Variants in COX20 observed in about 807,000 individuals in gnomAD.
COX20 encodes the protein cytochrome c oxidase assembly protein COX20, mitochondrial.
Under a neutral mutation model 14.3 loss-of-function variants are expected in COX20, and 14 were observed. The observed-to-expected ratio is 0.98, with a 90% CI of 0.65 to 1.53. The LOEUF (loss-of-function observed/expected upper bound fraction) is 1.53, where lower values mean the gene tolerates loss of function less well. Among genes scored for constraint, COX20 ranks in the 40% most tolerant of loss-of-function variants. The pLI, the probability that COX20 is intolerant of heterozygous loss-of-function variation, is 0.00. For synonymous variants in COX20, 56 were observed against 51.7 expected, an observed-to-expected ratio of 1.08 and a Z score of -0.36; for missense variants, 149 against 142.1, an observed-to-expected ratio of 1.05 and a Z score of -0.25.
chr1:244,837,884 T>C (rs1680046183), intron 1 of COX20, among the ~76,000 whole-genome samples: 1 of 152,112 alleles, frequency 6.6e-6, no homozygotes, highest in Non-Finnish European at 1.5e-5. Flanking sequence ...TTTGGAGCAA[T>C]GGTAAGGATT....
Position 244,835,677 on chromosome 1 carries a change from C to T in COX20, c.-38C>T, listed in dbSNP as rs1040009879. ...AGCCGGGCTTCTGCTTCCGCGACCC[C>T]GGCGGTGCAGGGCGGGTGGAGTCGC... On this transcript the variant is annotated 5_prime_UTR_variant, in exon 1 of 4. Transcript: ENST00000411948. 5.3e-5 allele frequency: 65 copies of T among 1,234,942 alleles called. No homozygotes were observed. The highest frequency in any genetic ancestry group is 1.5e-4 in the South Asian group (4 of 26,876). The allele number at this position is 1,234,942 out of a possible 1,614,324, so 76.5% of individuals were successfully genotyped here.
In COX20 at chr1:244,836,192, A is replaced by G. The variant is rs546363836; in HGVS notation, c.42+436A>G. ...TGCTGAGGGATGACTTGATTGTACT[A>G]CGATGAGATGAAGGGTTAAGATTTC... is the stretch of plus-strand genomic sequence containing the variant. On this transcript the variant is annotated intron_variant, in intron 1 of 3. Coordinates refer to ENST00000411948, the MANE Select transcript of COX20 (RefSeq NM_198076.6). 5.1e-4 allele frequency among the ~76,000 whole-genome samples: 77 copies of G among 152,262 alleles called. 1 individual carries two copies. In the South Asian group the frequency reaches 0.015, roughly 30 times the overall value.
intron 1 of COX20, chr1:244,839,703 A>G (rs1680118503): frequency 6.6e-6 from 1 of 152,176 alleles, no homozygotes; most frequent in South Asian, 2.1e-4. Context: ...TTTGATAGAA[A>G]TTGCAGGGAT....
At position 244,843,114 on chromosome 1, in the gene COX20, A is replaced by G. The variant is rs988125986; in HGVS notation, c.295A>G (p.Ile99Val). ...RIAREEIKKKILYEGTHLDPE... is the reference protein window; with the variant it reads ...RIAREEIKKKVLYEGTHLDPE... ...TGCCAGAGAAGAAATTAAAAAGAAG[A>G]TATTATATGAAGGTACCCACCTCGA... The change falls in exon 4 of 4, where the codon ATA (isoleucine) becomes GTA (valine). Residue 99 changes from isoleucine (I) to valine (V), a missense_variant. Transcript: ENST00000411948. 2.7e-5 allele frequency: 43 copies of G among 1,600,788 alleles called. No individual in the cohort carries two copies. Among genetic ancestry groups the G allele is most frequent in the Admixed American group, 1.8e-4 (10 of 56,584 alleles).
At chr1:244,842,128 T>A in intron 2 of COX20, 67 bp from the exon 3 acceptor site, 1 of 1,487,490 alleles carries the variant, frequency 6.7e-7, no homozygotes, top group Non-Finnish European at 9.4e-7. Flanking sequence ...AACTATTTTT[T>A]TTTCTAGGTG....
At chr1:244,839,010 G>C (rs571332826) in intron 1 of COX20, among the ~76,000 whole-genome samples, 1 of 152,110 alleles carries the variant, frequency 6.6e-6, no homozygotes, top group South Asian at 2.1e-4. Context: ...GGCTGGTCTC[G>C]AACTTCCGAC....
chr1:244,842,968 T>C lies in COX20; in HGVS notation c.222-73T>C, dbSNP rs1680267334. The stretch of plus-strand genomic sequence containing the variant: ...TCATCTGTATTTAAGTTTTGTGTGA[T>C]TTAGAGAAATTTCATAAATTAATTT... On this transcript the variant is annotated intron_variant, in intron 3 of 3. Coordinates refer to ENST00000411948, the MANE Select transcript of COX20 (RefSeq NM_198076.6). 5.2e-6 allele frequency: 6 copies of C among 1,157,426 alleles called. No homozygotes were observed. The Admixed American group carries it at 1.7e-4, about 32-fold the overall frequency. 71.7% of individuals were successfully genotyped at this position (1,157,426 alleles called of 1,614,324 possible).
chr1:244,843,360 C>T lies in COX20; in HGVS notation c.*184C>T, dbSNP rs1344608622. On this transcript the variant is annotated 3_prime_UTR_variant, in exon 4 of 4. Transcript: ENST00000411948. Reference sequence around the variant, plus strand: ...CTGTGTCTACTGCCAGGATAGCATTCTTACGTGTTACATATAGTGGACTTG... The same window carrying T: ...CTGTGTCTACTGCCAGGATAGCATTTTTACGTGTTACATATAGTGGACTTG... 1 of 598,294 alleles carries T rather than the reference C, an allele frequency of 1.7e-6. No individual in the cohort carries two copies. Among genetic ancestry groups the T allele is most frequent in the Non-Finnish European group, 2.9e-6 (1 of 347,536 alleles). 37.1% of individuals were successfully genotyped at this position (598,294 alleles called of 1,614,324 possible).
rs539861123 is a variant in COX20 at position 244,842,131 on chromosome 1, T to C, written c.158-64T>C. On this transcript the variant is annotated intron_variant, in intron 2 of 3. Coordinates refer to ENST00000411948, the MANE Select transcript of COX20 (RefSeq NM_198076.6). ...CTCTACATAATGAACTATTTTTTTT[T>C]CTAGGTGGAGTAATGTATATAACGT... 1.9e-4 allele frequency: 286 copies of C among 1,479,690 alleles called. 2 individuals carry two copies. In the South Asian group the frequency reaches 3.1e-3, roughly 16 times the overall value. 91.7% of individuals were successfully genotyped at this position (1,479,690 alleles called of 1,614,324 possible). A position where few individuals can be genotyped will look rare whatever the true frequency, so the allele number is the denominator to read the frequency against.
chr1:244,837,744 A>G (rs942027555), intron 1 of COX20, among the ~76,000 whole-genome samples: 1 of 152,228 alleles, frequency 6.6e-6, no homozygotes, highest in Non-Finnish European at 1.5e-5. Flanking sequence ...CAGTCATGCA[A>G]AGATCCAGGA....
intron 1 of COX20, chr1:244,840,413 C>A: frequency 6.6e-6 from 1 of 152,354 alleles, no homozygotes; most frequent in Non-Finnish European, 1.5e-5. Flanking sequence ...AGAGGTAGTC[C>A]TGGACTGGAG....
intron 1 of COX20, chr1:244,840,381 C>T (rs1680151571): frequency 6.6e-6 from 1 of 152,264 alleles, no homozygotes; most frequent in African/African-American, 2.4e-5. Context: ...AGCATCCCAT[C>T]CTTGGGGAAA....
chr1:244,835,403 C>G (rs1274079767), upstream of COX20: 5 of 320,938 alleles, frequency 1.6e-5, no homozygotes, highest in Non-Finnish European at 2.8e-5. Flanking sequence ...TCGGTTACGC[C>G]CCCACCTCGC....
chr1:244,842,876 C>T (rs1680262391), intron 3 of COX20, 165 bp from the exon 4 acceptor site: 10 of 505,316 alleles, frequency 2.0e-5, no homozygotes, highest in Non-Finnish European at 3.1e-5. Context: ...GATAGGTATT[C>T]TGACACCAAA....
rs771061655 is a variant in COX20 at position 244,843,783 on chromosome 1, T to C, written c.*607T>C. 2.0e-5 allele frequency: 3 copies of C among 152,338 alleles called. No individual in the cohort carries two copies. Among genetic ancestry groups the C allele is most frequent in the Non-Finnish European group, 4.4e-5 (3 of 68,034 alleles). 9.4% of individuals were successfully genotyped at this position (152,338 alleles called of 1,614,324 possible). A position where few individuals can be genotyped will look rare whatever the true frequency, so the allele number is the denominator to read the frequency against. ...GTATAATTAGTTCTGAATTAAAATA[T>C]GCACATGGAACTTGTCTGGCAGACT... On this transcript the variant is annotated 3_prime_UTR_variant, in exon 4 of 4. Coordinates refer to ENST00000411948, the MANE Select transcript of COX20 (RefSeq NM_198076.6).
chr1:244,841,661 C>T (rs1438843811), intron 1 of COX20: 1 of 286,634 alleles, frequency 3.5e-6, no homozygotes, highest in Non-Finnish European at 6.6e-6. Flanking sequence ...AATGAATTAT[C>T]CTATTTCCAA....
rs1680311909 is a variant in COX20 at position 244,843,809 on chromosome 1, G to A, written c.*633G>A. ...GCACATGGAACTTGTCTGGCAGACT[G>A]ATGCAATAGTAAAACAACTGCAGAA... On this transcript the variant is annotated 3_prime_UTR_variant, in exon 4 of 4. Transcript: ENST00000411948. 1 of 152,162 alleles carries A rather than the reference G, an allele frequency of 6.6e-6. No individual in the cohort carries two copies. The highest frequency in any genetic ancestry group is 1.5e-5 in the Non-Finnish European group (1 of 68,026). 9.4% of individuals were successfully genotyped at this position (152,162 alleles called of 1,614,324 possible).
At position 244,835,763 on chromosome 1, in the gene COX20, T is replaced by C; in HGVS notation, c.42+7T>C. On this transcript the variant is annotated splice_region_variant and intron_variant, in intron 1 of 3. Coordinates refer to ENST00000411948, the MANE Select transcript of COX20 (RefSeq NM_198076.6). ...TGAGCCCGAGGAGAGGAAGGTAACC[T>C]GGGGGTCGGCGGGGCGCGCGCCGCG... is the stretch of plus-strand genomic sequence containing the variant. 8.1e-7 allele frequency: 1 copy of C among 1,232,396 alleles called. No individual in the cohort carries two copies. 76.3% of individuals were successfully genotyped at this position (1,232,396 alleles called of 1,614,324 possible).
Position 244,835,826 on chromosome 1 carries a change from T to G in COX20, c.42+70T>G, listed in dbSNP as rs1050111279. The G allele has an allele frequency of 2.5e-5, 28 of 1,132,226 alleles. No homozygotes were observed. In the Admixed American group the frequency reaches 1.2e-3, roughly 48 times the overall value. The allele number at this position is 1,132,226 out of a possible 1,614,324, so 70.1% of individuals were successfully genotyped here. ...GTAAGGACGTTCTCCGCGGAGCTCC[T>G]AGGCCCGGAGCACGTGTCACTGGCT... is the stretch of plus-strand genomic sequence containing the variant. On this transcript the variant is annotated intron_variant, in intron 1 of 3. Transcript: ENST00000411948.
Sources: gnomAD v4.1 joint callset for allele counts (sites outside exome capture counted in the v4.1 genomes callset) on GRCh38, gnomAD v4.1.1 for gene constraint, MANE v1.5 for transcripts, NCBI Gene and HGNC (gene_info 2026-07-23, HGNC 2026-07-21) for gene names.